The following ALK variants were observed in gnomAD, a reference collection of about 807,000 sequenced individuals.
The protein encoded by ALK is ALK receptor tyrosine kinase.
A neutral mutation model predicts 163.1 loss-of-function variants in ALK; 74 were observed. The observed-to-expected ratio is 0.45, with a 90% CI of 0.38 to 0.55. ALK has a LOEUF of 0.55. Among genes scored for constraint, ALK ranks in the 20% least tolerant of loss-of-function variants. The pLI is 0.00. For missense variants in ALK, 2,063 were observed against 2,105.3 expected, an observed-to-expected ratio of 0.98 and a Z score of 0.39; for synonymous variants, 960 against 843.2, an observed-to-expected ratio of 1.14 and a Z score of -2.40.
chr2:29,228,003 G>C (rs1664059969), intron 16 of ALK, among the ~76,000 whole-genome samples: 1 of 152,196 alleles, frequency 6.6e-6, no homozygotes, highest in South Asian at 2.1e-4. Flanking sequence ...GCCTCTCCCA[G>C]GACTGGTCAG....
chr2:29,530,457 G>A (rs896393051), intron 4 of ALK, among the ~76,000 whole-genome samples: 8 of 152,114 alleles, frequency 5.3e-5, no homozygotes, highest in Non-Finnish European at 7.4e-5. Flanking sequence ...CCTCCCACCC[G>A]CCACCAGCAC....
At chr2:29,796,297 G>A (rs1389069173) in intron 1 of ALK, among the ~76,000 whole-genome samples, 4 of 152,028 alleles carry the variant, frequency 2.6e-5, no homozygotes, top group African/African-American at 7.3e-5. Flanking sequence ...CAAAACTTAC[G>A]AAAAATACAG....
chr2:29,203,311 A>AC (rs1669227162), intron 26 of ALK, among the ~76,000 whole-genome samples: 1 of 151,710 alleles, frequency 6.6e-6, no homozygotes, highest in African/African-American at 2.4e-5. Context: ...GGCTTTCAAA[A>AC]TGTGGAGGTT....
intron 3 of ALK, among the ~76,000 whole-genome samples, chr2:29,679,418 A>G (rs545618847): frequency 6.9e-6 from 1 of 143,982 alleles, no homozygotes; most frequent in South Asian, 2.2e-4. Flanking sequence ...ATTTTCTTTC[A>G]TTTTTTCCTT....
At chr2:29,288,523 C>A (rs180750434) in intron 9 of ALK, among the ~76,000 whole-genome samples, 9 of 152,332 alleles carry the variant, frequency 5.9e-5, no homozygotes, top group African/African-American at 1.9e-4. Context: ...GGCCTAGGCG[C>A]CATAGCACAG....
rs554174592 is a variant in ALK, at chr2:29,644,254, G to T, written c.952+50596C>A. On this transcript the variant is annotated intron_variant, in intron 3 of 28. Transcript: ENST00000389048. ...CACACACTGGGGCCTGTTGCGGGGT[G>T]GGGGGAGGGGGGAGGGATAGCTTTA... Among the ~76,000 whole-genome samples, 898 of 117,998 alleles carry T rather than the reference G, an allele frequency of 7.6e-3. 9 individuals carry two copies. The highest frequency in any genetic ancestry group is 0.056 in the South Asian group (158 of 2,802). The allele number at this position is 117,998 out of a possible 152,430, so 77.4% of individuals were successfully genotyped here.
intron 9 of ALK, chr2:29,286,726 T>A (rs1162700022): frequency 6.6e-6 from 1 of 152,190 alleles, no homozygotes. Context: ...TGCTGCATCA[T>A]AAAAATTTGG....
chr2:29,702,569 C>T (rs1678775325), intron 2 of ALK, among the ~76,000 whole-genome samples: 1 of 152,154 alleles, frequency 6.6e-6, no homozygotes. Flanking sequence ...GCTTAAAGTT[C>T]CCTTCTAGGT....
chr2:29,740,294 T>G (rs1365388668), intron 1 of ALK, among the ~76,000 whole-genome samples: 1 of 151,816 alleles, frequency 6.6e-6, no homozygotes, highest in Non-Finnish European at 1.5e-5. Flanking sequence ...CGGATATTTA[T>G]TCAATGAAAA....
chr2:29,240,077 A>G (rs1664483226), intron 12 of ALK, among the ~76,000 whole-genome samples: 1 of 152,012 alleles, frequency 6.6e-6, no homozygotes, highest in African/African-American at 2.4e-5. Flanking sequence ...AGGGTGCAAG[A>G]GAGAAAGAGA....
chr2:29,659,583 A>G (rs1677289305), intron 3 of ALK, among the ~76,000 whole-genome samples: 2 of 152,144 alleles, frequency 1.3e-5, no homozygotes, highest in Non-Finnish European at 2.9e-5. Flanking sequence ...GGCAAAGTGA[A>G]TCATCCATTC....
At position 29,249,601 on chromosome 2, in the gene ALK, T is replaced by C. The variant is rs889360364; in HGVS notation, c.2204+1504A>G. Among the ~76,000 whole-genome samples the C allele has an allele frequency of 3.3e-5, 5 of 152,156 alleles. No individual in the cohort carries two copies. In the East Asian group the frequency reaches 7.7e-4, roughly 24 times the overall value. On this transcript the variant is annotated intron_variant, in intron 12 of 28. Coordinates refer to ENST00000389048, the MANE Select transcript of ALK (RefSeq NM_004304.5). ...CCATCACTGATTGTGCAGCCTTACA[T>C]GTGTTGCTAAGCTCCTCCGACTCCA... is the stretch of plus-strand genomic sequence containing the variant.
At chr2:29,531,746 A>C (rs995301517) in intron 4 of ALK, among the ~76,000 whole-genome samples, 169 bp downstream of exon 4, 4 of 152,184 alleles carry the variant, frequency 2.6e-5, no homozygotes, top group African/African-American at 9.7e-5. Context: ...CCCACAAATC[A>C]GTACCCAAGA....
intron 1 of ALK, among the ~76,000 whole-genome samples, chr2:29,728,678 G>C (rs1009596138): frequency 6.6e-6 from 1 of 152,204 alleles, no homozygotes; most frequent in South Asian, 2.1e-4. Flanking sequence ...CTAGTTAAAG[G>C]GAGTGGGGTA....
intron 1 of ALK, among the ~76,000 whole-genome samples, chr2:29,908,898 C>G (rs1004524834): frequency 1.3e-5 from 2 of 152,174 alleles, no homozygotes; most frequent in African/African-American, 4.8e-5. Context: ...TTGTGAACTC[C>G]TGGGAGGAAG....
rs150785816 is a variant in ALK at position 29,222,547 on chromosome 2, G to C, written c.3420C>G (p.Asn1140Lys). Residue 1140 changes from asparagine (N) to lysine (K), a missense_variant, in exon 21 of 29, where the codon AAC (asparagine) becomes AAG (lysine). Transcript: ENST00000389048. ...CAGCCACTTGCAGGGGGCTTGGGTCGTTGGGCATTCCGGACACCTGGCCTT... is the reference window on the plus strand; with the variant it reads ...CAGCCACTTGCAGGGGGCTTGGGTCCTTGGGCATTCCGGACACCTGGCCTT... ...VYEGQVSGMPNDPSPLQVAVK... is the reference protein window; with the variant it reads ...VYEGQVSGMPKDPSPLQVAVK... 10 of 1,613,964 alleles carry C rather than the reference G, an allele frequency of 6.2e-6. No homozygotes were observed. The highest frequency in any genetic ancestry group is 1.3e-5 in the African/African-American group (1 of 74,870).
intron 4 of ALK, among the ~76,000 whole-genome samples, chr2:29,482,490 G>A (rs529865161): frequency 6.6e-6 from 1 of 152,230 alleles, no homozygotes. Context: ...CAAGAACAGA[G>A]GTTGAGGTTA....
chr2:29,481,473 T>C (rs1671657781), intron 4 of ALK, among the ~76,000 whole-genome samples: 1 of 152,194 alleles, frequency 6.6e-6, no homozygotes, highest in Non-Finnish European at 1.5e-5. Context: ...TTTATACATA[T>C]TATGTTATCA....
intron 8 of ALK, among the ~76,000 whole-genome samples, chr2:29,314,594 T>C (rs1666778207): frequency 6.6e-6 from 1 of 152,066 alleles, no homozygotes. Context: ...CACCACAAAT[T>C]GGGGGGATCC....
Sources: allele counts gnomAD v4.1 joint callset (sites outside exome capture counted in the v4.1 genomes callset), GRCh38; gene constraint gnomAD v4.1.1; transcripts MANE v1.5; gene names NCBI Gene and HGNC (gene_info 2026-07-23, HGNC 2026-07-21).